CDKL5: variants seen among roughly 807,000 people sequenced by gnomAD.
The protein encoded by CDKL5 is cyclin-dependent kinase-like 5.
Under a neutral mutation model 61.7 loss-of-function variants are expected in CDKL5, and 8 were observed. That is an observed-to-expected ratio of 0.13 (90% CI 0.08 to 0.23). The LOEUF (loss-of-function observed/expected upper bound fraction) is 0.23, where lower values mean the gene tolerates loss of function less well. Among genes scored for constraint, CDKL5 ranks in the 10% least tolerant of loss-of-function variants. CDKL5 has a pLI of 1.00. For missense variants in CDKL5, 440 were observed against 734.5 expected (o/e 0.60, Z 4.63); for synonymous variants, 275 against 272.3 (o/e 1.01, Z -0.10).
intron 11 of CDKL5, among the ~76,000 whole-genome samples, chrX:18,601,095 A>G: frequency 8.9e-6 from 1 of 111,917 alleles, no homozygotes; most frequent in South Asian, 3.8e-4. Flanking sequence ...ATTGGTTGCC[A>G]CGTACAAACT....
chrX:18,554,414 C>CTTTT (rs1352845700), intron 3 of CDKL5, among the ~76,000 whole-genome samples: 1 of 94,901 alleles, frequency 1.1e-5, no homozygotes, highest in African/African-American at 3.8e-5. Context: ...ATTTCACTGT[C>CTTTT]TTTTTTTTTT....
chrX:18,452,941 G>A (rs1363188885), intron 1 of CDKL5, among the ~76,000 whole-genome samples: 1 of 99,690 alleles, frequency 1.0e-5, no homozygotes, highest in African/African-American at 3.8e-5. Flanking sequence ...AGTGATTCTC[G>A]TGCTTCAACC....
intron 1 of CDKL5, among the ~76,000 whole-genome samples, chrX:18,485,886 T>C (rs1921771451): frequency 9.0e-6 from 1 of 111,200 alleles, no homozygotes; most frequent in African/African-American, 3.3e-5. Context: ...ATGTTTAAAA[T>C]AGATTTTTTT....
At chrX:18,508,961 C>T (rs1432340856) in intron 2 of CDKL5, among the ~76,000 whole-genome samples, 2 of 109,252 alleles carry the variant, frequency 1.8e-5, no homozygotes, top group East Asian at 2.9e-4. Flanking sequence ...GGTGTGGTGG[C>T]GGGCGCCTGT....
At chrX:18,589,481 T>A in intron 9 of CDKL5, 1 of 111,215 alleles carries the variant, frequency 9.0e-6, no homozygotes, top group African/African-American at 3.3e-5. Flanking sequence ...CATCCTTTTT[T>A]ATGGCTGCAT....
At chrX:18,502,369 TAAATATC>T (rs1922418437) in intron 1 of CDKL5, among the ~76,000 whole-genome samples, 1 of 112,125 alleles carries the variant, frequency 8.9e-6, no homozygotes, top group Non-Finnish European at 1.9e-5. Flanking sequence ...TCTTTTTCTC[TAAATATC>T]AGAATAATCC....
intron 1 of CDKL5, among the ~76,000 whole-genome samples, chrX:18,468,545 A>G (rs1209135012): frequency 8.9e-6 from 1 of 112,277 alleles, no homozygotes; most frequent in African/African-American, 3.2e-5. Flanking sequence ...TGGCTTTTGC[A>G]TTTATACTTG....
chrX:18,476,818 G>A, intron 1 of CDKL5, among the ~76,000 whole-genome samples: 1 of 109,298 alleles, frequency 9.1e-6, no homozygotes. Context: ...CCATGCTGGA[G>A]TGCAGTGGTA....
intron 3 of CDKL5, among the ~76,000 whole-genome samples, chrX:18,561,006 T>C (rs1924787387): frequency 9.0e-6 from 1 of 111,612 alleles, no homozygotes; most frequent in Admixed American, 9.5e-5. Flanking sequence ...ATAATTTCTT[T>C]ATGTTAGAAA....
intron 10 of CDKL5, among the ~76,000 whole-genome samples, chrX:18,596,132 A>G (rs892158827): frequency 8.9e-6 from 1 of 112,160 alleles, no homozygotes; most frequent in African/African-American, 3.2e-5. Flanking sequence ...TTCAAAGAAC[A>G]CTTATTAATG....
rs760999241 is a variant in CDKL5 at position 18,543,835 on chromosome X, A to G, written c.100-20642A>G. ...ACTCACAATTCTTTTAGAAATAAAA[A>G]CAGAATCTAGCTTCATACTACCTGG... On this transcript the variant is annotated intron_variant, in intron 3 of 17. Transcript: ENST00000623535. 8.0e-5 allele frequency among the ~76,000 whole-genome samples: 9 copies of G among 111,823 alleles called. No homozygotes were observed. The East Asian group carries it at 2.5e-3, about 31-fold the overall frequency.
intron 3 of CDKL5, among the ~76,000 whole-genome samples, chrX:18,527,745 C>G (rs1362205626): frequency 9.0e-6 from 1 of 110,650 alleles, no homozygotes; most frequent in Non-Finnish European, 1.9e-5. Context: ...TTTTCTTCTC[C>G]GTGTTTTAGG....
chrX:18,576,277 A>G (rs1438513935), intron 5 of CDKL5, among the ~76,000 whole-genome samples: 1 of 111,509 alleles, frequency 9.0e-6, no homozygotes. Flanking sequence ...AGAAAAAGAA[A>G]AAGAGAAATT....
chrX:18,617,889 A>G (rs749257479), intron 15 of CDKL5, among the ~76,000 whole-genome samples: 2 of 111,945 alleles, frequency 1.8e-5, no homozygotes, highest in East Asian at 5.6e-4. Flanking sequence ...AAGCCCCTGT[A>G]GAGGGTCTTT....
chrX:18,471,081 G>A (rs1309270593), intron 1 of CDKL5, among the ~76,000 whole-genome samples: 1 of 112,056 alleles, frequency 8.9e-6, no homozygotes, highest in African/African-American at 3.2e-5. Context: ...CACAGTTCCC[G>A]GCTTGATCAA....
intron 1 of CDKL5, among the ~76,000 whole-genome samples, chrX:18,462,625 G>A (rs150832645): frequency 0.052 from 5,820 of 111,897 alleles, 165 homozygotes; most frequent in Middle Eastern, 0.11. Flanking sequence ...TAGGGTGTGA[G>A]TATATGGGGC....
chrX:18,493,628 C>G (rs1187837700), intron 1 of CDKL5, among the ~76,000 whole-genome samples: 1 of 112,003 alleles, frequency 8.9e-6, no homozygotes, highest in Non-Finnish European at 1.9e-5. Flanking sequence ...AAGTCTTGGA[C>G]TTCAGTTCCT....
intron 12 of CDKL5, among the ~76,000 whole-genome samples, chrX:18,605,372 A>T (rs996022795): frequency 7.1e-5 from 8 of 112,460 alleles, no homozygotes; most frequent in Non-Finnish European, 1.5e-4. Flanking sequence ...ACCAGGATAA[A>T]TGTTAGTTTT....
In CDKL5 at chrX:18,634,994, T is replaced by A; in HGVS notation, c.*6237T>A. ...TGGTAGATGAAGAATCAGTGGAAAT[T>A]CTTAATTGCACAGACTTTATAATCC... On this transcript the variant is annotated 3_prime_UTR_variant, in exon 18 of 18. Transcript: ENST00000623535. 3 of 746,886 alleles carry A rather than the reference T, an allele frequency of 4.0e-6. No homozygotes were observed. Among genetic ancestry groups the A allele is most frequent in the Non-Finnish European group, 4.7e-6 (3 of 635,470 alleles). The allele number at this position is 746,886 out of a possible 1,213,427, so 61.6% of individuals were successfully genotyped here. A position where few individuals can be genotyped will look rare whatever the true frequency, so the allele number is the denominator to read the frequency against.
Sources: allele counts gnomAD v4.1 joint callset (sites outside exome capture counted in the v4.1 genomes callset), GRCh38; gene constraint gnomAD v4.1.1; transcripts MANE v1.5; gene names NCBI Gene and HGNC (gene_info 2026-07-23, HGNC 2026-07-21).